REDIC1: variants seen among roughly 807,000 people sequenced by gnomAD.
REDIC1 encodes HEI10 Interacting Protein 1.
chr12:39,889,600 T>C, the REDIC1 span, among the ~76,000 whole-genome samples: 1 of 149,016 alleles, frequency 6.7e-6, no homozygotes, highest in African/African-American at 2.5e-5. Flanking sequence ...TAGCACCATC[T>C]TGGCACACCA....
the REDIC1 span, among the ~76,000 whole-genome samples, chr12:39,736,202 G>A: frequency 2.2e-4 from 33 of 152,222 alleles, no homozygotes; most frequent in African/African-American, 7.5e-4. Context: ...CCAATAGTGT[G>A]TGCATGGCTG....
chr12:39,690,945 T>C, the REDIC1 span, among the ~76,000 whole-genome samples: 32 of 152,284 alleles, frequency 2.1e-4, no homozygotes, highest in African/African-American at 6.5e-4. Context: ...TACATAGCTT[T>C]CTTGAAAGTT....
chr12:39,734,707 A>G, the REDIC1 span, among the ~76,000 whole-genome samples: 16 of 152,058 alleles, frequency 1.1e-4, no homozygotes, highest in African/African-American at 3.6e-4. Context: ...GTGAGTTTGA[A>G]CTCTATTCTG....
At chr12:39,639,955 T>C in the REDIC1 span, among the ~76,000 whole-genome samples, 4 of 151,898 alleles carry the variant, frequency 2.6e-5, no homozygotes, top group Non-Finnish European at 5.9e-5. Context: ...CTGTTATTAA[T>C]AGAACAAATA....
At chr12:39,810,801 C>T in the REDIC1 span, among the ~76,000 whole-genome samples, 1 of 152,018 alleles carries the variant, frequency 6.6e-6, no homozygotes, top group Non-Finnish European at 1.5e-5. Flanking sequence ...TTAAATCAAC[C>T]ATGAATTCCT....
At chr12:39,693,510 C>G in the REDIC1 span, among the ~76,000 whole-genome samples, 1 of 151,132 alleles carries the variant, frequency 6.6e-6, no homozygotes, top group South Asian at 2.1e-4. Flanking sequence ...ACCCATGAGT[C>G]TTAGTTTCCA....
chr12:39,764,676 T>C, the REDIC1 span: 3 of 1,589,366 alleles, frequency 1.9e-6, no homozygotes, highest in Non-Finnish European at 2.6e-6. Flanking sequence ...AAATTATAGT[T>C]TATCTACTCC....
At chr12:39,882,982 T>C in the REDIC1 span, among the ~76,000 whole-genome samples, 3 of 152,326 alleles carry the variant, frequency 2.0e-5, no homozygotes, top group East Asian at 1.9e-4. Context: ...TTTATGAATA[T>C]TTTTTAGGCG....
the REDIC1 span, among the ~76,000 whole-genome samples, chr12:39,702,145 T>C: frequency 1.3e-5 from 2 of 151,974 alleles, no homozygotes; most frequent in Non-Finnish European, 2.9e-5. Flanking sequence ...ATTAATGAAT[T>C]TGGGAGCTGG....
At chr12:39,775,705 T>C in the REDIC1 span, among the ~76,000 whole-genome samples, 3 of 152,286 alleles carry the variant, frequency 2.0e-5, no homozygotes, top group East Asian at 5.8e-4. Context: ...TGCCAGAGAA[T>C]AAGTTATATG....
chr12:39,656,371 G>A, the REDIC1 span, among the ~76,000 whole-genome samples: 3 of 152,120 alleles, frequency 2.0e-5, no homozygotes, highest in Non-Finnish European at 4.4e-5. Flanking sequence ...TAGTGACATC[G>A]TAGCTATTGT....
the REDIC1 span, among the ~76,000 whole-genome samples, chr12:39,636,935 A>G: frequency 6.6e-6 from 1 of 151,970 alleles, no homozygotes; most frequent in Non-Finnish European, 1.5e-5. Flanking sequence ...AATTTTTTTA[A>G]AAAAGAAAGT....
the REDIC1 span, among the ~76,000 whole-genome samples, chr12:39,747,419 G>A: frequency 6.6e-6 from 1 of 152,184 alleles, no homozygotes; most frequent in Admixed American, 6.5e-5. Context: ...ATAAATACGG[G>A]ACTATGTGAA....
chr12:39,639,449 A>G, the REDIC1 span, among the ~76,000 whole-genome samples: 1 of 152,144 alleles, frequency 6.6e-6, no homozygotes, highest in South Asian at 2.1e-4. Context: ...TTCAATAAGT[A>G]GCAAAGTCAG....
the REDIC1 span, among the ~76,000 whole-genome samples, chr12:39,812,996 A>ATTTTTTTTTTTTTTTTTTTTT: frequency 4.4e-4 from 18 of 40,616 alleles, 7 homozygotes; most frequent in Non-Finnish European, 6.7e-4. Flanking sequence ...TGCCCAGCTA[A>ATTTTTTTTTTTTTTTTTTTTT]TTTTTTTTTT....
chr12:39,702,836 CAT>C, the REDIC1 span, among the ~76,000 whole-genome samples: 4 of 152,196 alleles, frequency 2.6e-5, no homozygotes, highest in African/African-American at 9.7e-5. Flanking sequence ...ACAAAAACCA[CAT>C]GATTATCTCA....
the REDIC1 span, chr12:39,759,915 C>T: frequency 1.3e-6 from 1 of 746,218 alleles, no homozygotes; most frequent in East Asian, 2.7e-5. Context: ...TGAAGTCAAT[C>T]AAAACTAGGC....
chr12:39,768,978 C>T, the REDIC1 span, among the ~76,000 whole-genome samples: 1 of 152,020 alleles, frequency 6.6e-6, no homozygotes, highest in African/African-American at 2.4e-5. Context: ...TCCATTCTTC[C>T]TCTATTTTTG....
the REDIC1 span, among the ~76,000 whole-genome samples, chr12:39,785,239 C>T: frequency 6.6e-6 from 1 of 152,154 alleles, no homozygotes; most frequent in African/African-American, 2.4e-5. Context: ...CTGGGGTCCC[C>T]ATGCTGTGTG....
Sources: allele counts gnomAD v4.1 joint callset (sites outside exome capture counted in the v4.1 genomes callset), GRCh38; gene constraint gnomAD v4.1.1; transcripts MANE v1.5; gene names NCBI Gene and HGNC (gene_info 2026-07-23, HGNC 2026-07-21).